GRIN2B: variants seen among roughly 807,000 people sequenced by gnomAD.
GRIN2B encodes the protein glutamate receptor ionotropic, NMDA 2B.
A neutral mutation model predicts 114.5 loss-of-function variants in GRIN2B; 5 were observed. That is an observed-to-expected ratio of 0.04 (90% CI 0.02 to 0.09). The LOEUF is 0.09. GRIN2B is among the 10% of genes least tolerant of loss of function. The pLI is 1.00. For missense variants in GRIN2B, 1,108 were observed against 1,943.5 expected (o/e 0.57, Z 8.08); for synonymous variants, 787 against 745.1 (o/e 1.06, Z -0.92).
At position 13,562,464 on chromosome 12, in the gene GRIN2B, C is replaced by T. The variant is rs201430685; in HGVS notation, c.*319G>A. On this transcript the variant is annotated 3_prime_UTR_variant, in exon 14 of 14. Transcript: ENST00000609686. Reference sequence around the variant, plus strand: ...AGGATATCAAGGAGCTCTTCCACACCAGGAGGAAGCCCGCATGCAGCCCTT... The same window carrying T: ...AGGATATCAAGGAGCTCTTCCACACTAGGAGGAAGCCCGCATGCAGCCCTT... 2.8e-6 allele frequency: 1 copy of T among 356,758 alleles called. No individual in the cohort carries two copies. The highest frequency in any genetic ancestry group is 2.1e-5 in the African/African-American group (1 of 48,758). 22.1% of individuals were successfully genotyped at this position (356,758 alleles called of 1,614,324 possible).
chr12:13,886,308 A>G (rs1866155910), intron 2 of GRIN2B, among the ~76,000 whole-genome samples: 1 of 152,296 alleles, frequency 6.6e-6, no homozygotes, highest in South Asian at 2.1e-4. Context: ...TTGCCTCCAA[A>G]GAAGCATCCT....
chr12:13,890,913 G>T (rs1361651579), intron 2 of GRIN2B, among the ~76,000 whole-genome samples: 1 of 152,092 alleles, frequency 6.6e-6, no homozygotes, highest in Admixed American at 6.5e-5. Context: ...AGTCCAGTGG[G>T]CCCGGAACCC....
chr12:13,820,328 C>T (rs763575122), intron 3 of GRIN2B, among the ~76,000 whole-genome samples: 5 of 152,154 alleles, frequency 3.3e-5, no homozygotes, highest in African/African-American at 2.4e-5. Flanking sequence ...GTGGAGAAGA[C>T]GTTGTCATTT....
At chr12:13,640,682 A>G (rs773624387) in intron 5 of GRIN2B, among the ~76,000 whole-genome samples, 3 of 152,192 alleles carry the variant, frequency 2.0e-5, no homozygotes, top group Non-Finnish European at 4.4e-5. Flanking sequence ...TGTAATAACA[A>G]CACTATTAAA....
At chr12:13,832,751 T>C (rs375451662) in intron 3 of GRIN2B, among the ~76,000 whole-genome samples, 13 of 152,334 alleles carry the variant, frequency 8.5e-5, no homozygotes, top group African/African-American at 3.1e-4. Context: ...TGATAACTAA[T>C]GCTATGATGA....
chr12:13,644,506 C>T (rs1949745768), intron 5 of GRIN2B, among the ~76,000 whole-genome samples: 1 of 152,106 alleles, frequency 6.6e-6, no homozygotes, highest in Admixed American at 6.6e-5. Context: ...TCAGTGAGCA[C>T]TGGCTTCAAC....
intron 2 of GRIN2B, among the ~76,000 whole-genome samples, chr12:13,967,812 A>G (rs1867813395): frequency 6.6e-6 from 1 of 152,144 alleles, no homozygotes; most frequent in South Asian, 2.1e-4. Context: ...CCCTGAGCTG[A>G]AACTTGCAGG....
chr12:13,833,985 G>A (rs1440400234), intron 3 of GRIN2B, among the ~76,000 whole-genome samples: 1 of 149,152 alleles, frequency 6.7e-6, no homozygotes, highest in Non-Finnish European at 1.5e-5. Context: ...CAGAAAAGGT[G>A]CAAGGTGAAA....
At position 13,557,448 on chromosome 12, in the gene GRIN2B, C is replaced by A. The variant is rs1337545020; in HGVS notation, c.*5335G>T. ...AACTGGGACAGAAACCAGACAATGA[C>A]AGTAAATTTTATTGTATCACTAATT... is the stretch of plus-strand genomic sequence containing the variant. On this transcript the variant is annotated 3_prime_UTR_variant, in exon 14 of 14. Coordinates refer to ENST00000609686, the MANE Select transcript of GRIN2B (RefSeq NM_000834.5). 1 of 152,204 alleles carries A rather than the reference C, an allele frequency of 6.6e-6. No homozygotes were observed. The highest frequency in any genetic ancestry group is 1.5e-5 in the Non-Finnish European group (1 of 68,022). 9.4% of individuals were successfully genotyped at this position (152,204 alleles called of 1,614,324 possible).
chr12:13,764,109 C>T (rs139038641), intron 3 of GRIN2B, among the ~76,000 whole-genome samples: 282 of 148,404 alleles, frequency 1.9e-3, no homozygotes, highest in Non-Finnish European at 2.7e-3. Flanking sequence ...GAGAAACACA[C>T]GAAAACTACT....
intron 3 of GRIN2B, among the ~76,000 whole-genome samples, chr12:13,862,855 T>A (rs983584182): frequency 1.3e-5 from 2 of 152,198 alleles, no homozygotes; most frequent in African/African-American, 2.4e-5. Context: ...TCTCTCCAGG[T>A]AGCTCCTGCC....
In GRIN2B at chr12:13,545,003, G is replaced by A. The variant is rs1444951888; in HGVS notation, c.*17780C>T. The A allele has an allele frequency of 1.3e-5, 2 of 152,260 alleles. No individual in the cohort carries two copies. Among genetic ancestry groups the A allele is most frequent in the Non-Finnish European group, 2.9e-5 (2 of 68,144 alleles). The allele number at this position is 152,260 out of a possible 1,614,324, so 9.4% of individuals were successfully genotyped here. ...TTGCTCTTGGTAAAAGCCAAATCCTGACAGTGTCCTACAAGGCCCTACCTG... is the reference window on the plus strand; with the variant it reads ...TTGCTCTTGGTAAAAGCCAAATCCTAACAGTGTCCTACAAGGCCCTACCTG... On this transcript the variant is annotated 3_prime_UTR_variant, in exon 14 of 14. Coordinates refer to ENST00000609686, the MANE Select transcript of GRIN2B (RefSeq NM_000834.5).
intron 3 of GRIN2B, among the ~76,000 whole-genome samples, chr12:13,757,646 G>A (rs147221420): frequency 4.3e-4 from 65 of 152,210 alleles, no homozygotes; most frequent in African/African-American, 1.5e-3. Context: ...TTTATTACCT[G>A]AATGTCCTTC....
intron 10 of GRIN2B, 53 bp from the exon 11 acceptor site, chr12:13,572,017 A>G (rs1166787118): frequency 7.0e-7 from 1 of 1,419,950 alleles, no homozygotes; most frequent in Non-Finnish European, 9.8e-7. Context: ...GGAGAGAGAG[A>G]GAGAAAAGTC....
chr12:13,576,348 C>T (rs1379227408), intron 10 of GRIN2B, among the ~76,000 whole-genome samples: 1 of 150,054 alleles, frequency 6.7e-6, no homozygotes, highest in Non-Finnish European at 1.5e-5. Flanking sequence ...GCCTGAGTGG[C>T]AATTTGGGAA....
chr12:13,820,808 A>G (rs546733630), intron 3 of GRIN2B, among the ~76,000 whole-genome samples: 23 of 152,168 alleles, frequency 1.5e-4, no homozygotes, highest in African/African-American at 5.5e-4. Flanking sequence ...TCTTGGCTGA[A>G]TTGCTTTAAC....
chr12:13,592,732 G>A (rs934198578), intron 10 of GRIN2B, among the ~76,000 whole-genome samples: 1 of 152,064 alleles, frequency 6.6e-6, no homozygotes, highest in Non-Finnish European at 1.5e-5. Context: ...TCCTTTTGGG[G>A]CATCCAAGCC....
chr12:13,771,794 T>C (rs1226707762), intron 3 of GRIN2B, among the ~76,000 whole-genome samples: 1 of 152,252 alleles, frequency 6.6e-6, no homozygotes, highest in Non-Finnish European at 1.5e-5. Context: ...CTGGTTACGT[T>C]GTTAAATTAA....
intron 2 of GRIN2B, among the ~76,000 whole-genome samples, chr12:13,889,416 A>T (rs1368152480): frequency 6.6e-6 from 1 of 152,260 alleles, no homozygotes; most frequent in Non-Finnish European, 1.5e-5. Flanking sequence ...ATCTGAGTCT[A>T]CTGAAGAAAT....
Sources: allele counts gnomAD v4.1 joint callset (sites outside exome capture counted in the v4.1 genomes callset), GRCh38; gene constraint gnomAD v4.1.1; transcripts MANE v1.5; gene names NCBI Gene and HGNC (gene_info 2026-07-23, HGNC 2026-07-21).